The following GALNT5 variants were observed in gnomAD, a reference collection of about 807,000 sequenced individuals.
The protein encoded by GALNT5 is polypeptide N-acetylgalactosaminyltransferase 5, also known as UDP-GalNAc:polypeptide N-acetylgalactosaminyltransferase 5.
GALNT5 carries 72 observed loss-of-function variants against 85.4 expected under a neutral mutation model. The observed-to-expected ratio is 0.84, with a 90% CI of 0.70 to 1.03. The LOEUF (loss-of-function observed/expected upper bound fraction) is 1.03, where lower values mean the gene tolerates loss of function less well. GALNT5 is among the 50% of genes least tolerant of loss of function. The pLI is 0.00. For synonymous variants in GALNT5, 404 were observed against 397.0 expected (o/e 1.02, Z -0.21); for missense variants, 1,137 against 1,135.5 (o/e 1.00, Z -0.02).
At chr2:157,306,457 G>A (rs1311443006) in intron 8 of GALNT5, among the ~76,000 whole-genome samples, 1 of 152,100 alleles carries the variant, frequency 6.6e-6, no homozygotes. Flanking sequence ...AGAGGGAGTC[G>A]GGCCAGGAAG....
intron 1 of GALNT5, among the ~76,000 whole-genome samples, chr2:157,281,755 T>C (rs1484836597): frequency 6.6e-6 from 1 of 152,138 alleles, no homozygotes; most frequent in Non-Finnish European, 1.5e-5. Flanking sequence ...GATTGAGAAA[T>C]GGAAGAAAAT....
chr2:157,318,388 T>A lies in GALNT5; in HGVS notation c.*7040T>A, dbSNP rs1574043293. ...TCAGTTCCTTAAAAAATGATAAAAA[T>A]TTTTCATGTATATTACATATCTACC... On this transcript the variant is annotated 3_prime_UTR_variant, in exon 10 of 10. Transcript: ENST00000259056. Among the ~76,000 whole-genome samples, 1 of 152,238 alleles carries A rather than the reference T, an allele frequency of 6.6e-6. No homozygotes were observed. The highest frequency in any genetic ancestry group is 1.9e-4 in the East Asian group (1 of 5,190).
intron 1 of GALNT5, among the ~76,000 whole-genome samples, chr2:157,268,088 C>T (rs1264502762): frequency 6.6e-6 from 1 of 152,064 alleles, no homozygotes; most frequent in East Asian, 1.9e-4. Flanking sequence ...AGTTGAATTG[C>T]AAATAGAAGT....
intron 3 of GALNT5, among the ~76,000 whole-genome samples, chr2:157,290,091 A>G (rs1319571595): frequency 1.9e-3 from 7 of 3,654 alleles, no homozygotes; most frequent in South Asian, 0.042. Context: ...AAAAATGTAT[A>G]TATATATATA....
At chr2:157,266,680 G>A (rs1682465225) in intron 1 of GALNT5, among the ~76,000 whole-genome samples, 1 of 152,130 alleles carries the variant, frequency 6.6e-6, no homozygotes, top group South Asian at 2.1e-4. Context: ...GACTGTAAAA[G>A]AATAAATGAT....
intron 1 of GALNT5, among the ~76,000 whole-genome samples, chr2:157,279,136 T>C (rs1344344186): frequency 1.3e-5 from 2 of 152,236 alleles, no homozygotes; most frequent in African/African-American, 2.4e-5. Flanking sequence ...TACCTGGGTA[T>C]CACCAGTGGA....
intron 1 of GALNT5, among the ~76,000 whole-genome samples, chr2:157,272,271 TG>T (rs1477463865): frequency 1.3e-5 from 2 of 152,198 alleles, no homozygotes; most frequent in Non-Finnish European, 2.9e-5. Context: ...CAAATTTTCC[TG>T]GTATCCCACC....
At chr2:157,269,518 T>C (rs768426426) in intron 1 of GALNT5, among the ~76,000 whole-genome samples, 10 of 152,190 alleles carry the variant, frequency 6.6e-5, no homozygotes, top group African/African-American at 9.7e-5. Context: ...TTGTCAACAA[T>C]TGGCAGAGGT....
At chr2:157,303,496 CTAT>C (rs5835663) in intron 7 of GALNT5, among the ~76,000 whole-genome samples, 15,120 of 151,902 alleles carry the variant, frequency 0.1, 2,056 homozygotes, top group African/African-American at 0.31. Context: ...CATACACTGC[CTAT>C]TTTTTTTAAA....
intron 1 of GALNT5, among the ~76,000 whole-genome samples, chr2:157,261,023 T>C (rs879103930): frequency 1.3e-5 from 2 of 152,248 alleles, no homozygotes; most frequent in Admixed American, 1.3e-4. Context: ...TTCTGCACTC[T>C]CTTCCATCTC....
chr2:157,284,341 T>C lies in GALNT5; in HGVS notation c.1514T>C (p.Val505Ala), dbSNP rs1574022892. ...LPTTSVIMCF[V>A]DEVWSTLLRS... Reference sequence around the variant, plus strand: ...ACCACCAGTGTCATCATGTGCTTTGTGGATGAAGTGTGGTCCACTCTCCTG... The same window carrying C: ...ACCACCAGTGTCATCATGTGCTTTGCGGATGAAGTGTGGTCCACTCTCCTG... Residue 505 changes from valine to alanine, a missense_variant, in exon 2 of 10, where the codon GTG (valine) becomes GCG (alanine). Transcript: ENST00000259056. The C allele has an allele frequency of 6.2e-7, 1 of 1,614,012 alleles. No individual in the cohort carries two copies. The highest frequency in any genetic ancestry group is 2.2e-5 in the East Asian group (1 of 44,876).
intron 1 of GALNT5, among the ~76,000 whole-genome samples, chr2:157,271,482 G>A (rs1682583485): frequency 1.3e-5 from 2 of 152,326 alleles, no homozygotes; most frequent in South Asian, 4.1e-4. Flanking sequence ...CAATAATCCT[G>A]GAGAAAGAGA....
chr2:157,277,117 T>C (rs184166676), intron 1 of GALNT5, among the ~76,000 whole-genome samples: 1 of 152,214 alleles, frequency 6.6e-6, no homozygotes, highest in Non-Finnish European at 1.5e-5. Flanking sequence ...TCAGTCTCCA[T>C]GTAGTTGTGC....
At position 157,311,069 on chromosome 2, in the gene GALNT5, G is replaced by T. The variant is rs563294186; in HGVS notation, c.2683-139G>T. 23 of 703,234 alleles carry T rather than the reference G, an allele frequency of 3.3e-5. No individual in the cohort carries two copies. The South Asian group carries it at 3.5e-4, about 11-fold the overall frequency. The allele number at this position is 703,234 out of a possible 1,614,324, so 43.6% of individuals were successfully genotyped here. On this transcript the variant is annotated intron_variant, in intron 9 of 9. Coordinates refer to ENST00000259056, the MANE Select transcript of GALNT5 (RefSeq NM_014568.3). ...AATACTTTTCAAAGTCTGTGTTTAT[G>T]TTAATAATTTAGTTCAGAAGAATTC... is the stretch of plus-strand genomic sequence containing the variant.
intron 1 of GALNT5, among the ~76,000 whole-genome samples, chr2:157,259,837 A>T (rs1682300039): frequency 6.6e-6 from 1 of 152,260 alleles, no homozygotes; most frequent in South Asian, 2.1e-4. Flanking sequence ...TAACGTGTAT[A>T]TAAATGGTAG....
Position 157,275,769 on chromosome 2 carries a change from A to C in GALNT5, c.1455-8513A>C, listed in dbSNP as rs138708544. ...TTAAATATACAATCATGTCATCTGC[A>C]AACAGGGACAATTTGACTTCTTCTT... On this transcript the variant is annotated intron_variant, in intron 1 of 9. Transcript: ENST00000259056. 4.6e-3 allele frequency among the ~76,000 whole-genome samples: 694 copies of C among 152,348 alleles called. 5 individuals carry two copies. Among genetic ancestry groups the C allele is most frequent in the African/African-American group, 0.016 (651 of 41,566 alleles).
At position 157,313,631 on chromosome 2, in the gene GALNT5, C is replaced by T. The variant is rs1453218642; in HGVS notation, c.*2283C>T. The T allele has an allele frequency of 6.6e-6, 1 of 151,868 alleles. No individual in the cohort carries two copies. Among genetic ancestry groups the T allele is most frequent in the Non-Finnish European group, 1.5e-5 (1 of 67,966 alleles). 9.4% of individuals were successfully genotyped at this position (151,868 alleles called of 1,614,324 possible). On this transcript the variant is annotated 3_prime_UTR_variant, in exon 10 of 10. Coordinates refer to ENST00000259056, the MANE Select transcript of GALNT5 (RefSeq NM_014568.3). ...CCGGGTATATAGGCTCTCTTTTTAT[C>T]CGAAAATAGTTTCCACAAAGAAGTC... is the stretch of plus-strand genomic sequence containing the variant.
intron 1 of GALNT5, among the ~76,000 whole-genome samples, chr2:157,267,279 GAAGT>G (rs1295824024): frequency 1.3e-5 from 2 of 152,202 alleles, no homozygotes; most frequent in Admixed American, 6.5e-5. Context: ...TGAGGCCACA[GAAGT>G]AAGTAGAGTC....
intron 1 of GALNT5, among the ~76,000 whole-genome samples, chr2:157,276,623 T>C (rs1482266716): frequency 1.3e-5 from 2 of 152,230 alleles, no homozygotes; most frequent in African/African-American, 4.8e-5. Flanking sequence ...GAGGTGTTTA[T>C]AGTATTCTCT....
Sources: gnomAD v4.1 joint callset for allele counts (sites outside exome capture counted in the v4.1 genomes callset) on GRCh38, gnomAD v4.1.1 for gene constraint, MANE v1.5 for transcripts, NCBI Gene and HGNC (gene_info 2026-07-23, HGNC 2026-07-21) for gene names.